Variants in LAMB4 observed in about 807,000 individuals in gnomAD.
LAMB4 encodes laminin subunit beta 4.
Under a neutral mutation model 199.2 loss-of-function variants are expected in LAMB4, and 196 were observed. That is an observed-to-expected ratio of 0.98 (90% CI 0.88 to 1.11). The LOEUF (loss-of-function observed/expected upper bound fraction) is 1.11. Ranked by LOEUF, LAMB4 falls within the 50% of genes least tolerant of loss-of-function variation. The probability of loss-of-function intolerance (pLI) is 0.00; values close to 1 mark genes in which losing one functional copy is unlikely to be tolerated. For missense variants in LAMB4, 2,080 were observed against 2,171.2 expected (o/e 0.96, Z 0.83); for synonymous variants, 744 against 770.6 (o/e 0.97, Z 0.57).
At chr7:108,096,517 G>A (rs989723266) in intron 11 of LAMB4, among the ~76,000 whole-genome samples, 7 of 152,172 alleles carry the variant, frequency 4.6e-5, no homozygotes, top group African/African-American at 1.7e-4. Context: ...ATATGCAGAA[G>A]AGGGGTTTCT....
At position 108,041,251 on chromosome 7, in the gene LAMB4, T is replaced by G. The variant is rs936649266; in HGVS notation, c.4471+2501A>C. Among the ~76,000 whole-genome samples, 3 of 152,216 alleles carry G rather than the reference T, an allele frequency of 2.0e-5. No individual in the cohort carries two copies. The East Asian group carries it at 5.8e-4, about 29-fold the overall frequency. ...TATTAAAAAGTCAAAAAATAACAGG[T>G]GCTGATGAGATTGCAGAGAGAAAGA... On this transcript the variant is annotated intron_variant, in intron 29 of 33. Transcript: ENST00000388781.
intron 1 of LAMB4, among the ~76,000 whole-genome samples, chr7:108,129,528 T>C (rs2038908254): frequency 6.6e-6 from 1 of 151,732 alleles, no homozygotes; most frequent in Non-Finnish European, 1.5e-5. Context: ...AATACAGAAC[T>C]ATAAAGTTTA....
chr7:108,037,352 G>C (rs2035265890), intron 30 of LAMB4, 36 bp downstream of exon 30: 2 of 1,510,044 alleles, frequency 1.3e-6, no homozygotes, highest in Non-Finnish European at 1.8e-6. Flanking sequence ...CAGATGGTCT[G>C]TTAGAGCAAG....
chr7:108,070,730 G>A (rs1403221949), intron 17 of LAMB4, among the ~76,000 whole-genome samples: 1 of 152,074 alleles, frequency 6.6e-6, no homozygotes, highest in Admixed American at 6.5e-5. Context: ...GTCAACAGTG[G>A]GTGATTAGTA....
chr7:108,113,197 T>G (rs1472428809), intron 3 of LAMB4, among the ~76,000 whole-genome samples: 2 of 152,194 alleles, frequency 1.3e-5, no homozygotes, highest in African/African-American at 4.8e-5. Flanking sequence ...CTGCTTTATA[T>G]ATTTCCTAAG....
At position 108,084,012 on chromosome 7, in the gene LAMB4, T is replaced by C. The variant is rs144836043; in HGVS notation, c.1702-4226A>G. On this transcript the variant is annotated intron_variant, in intron 14 of 33. Transcript: ENST00000388781. ...CTATATCATGGGGACACGAGGAATA[T>C]GTATGGCACTGAGGTGATCCACTGG... Among the ~76,000 whole-genome samples, 372 of 152,338 alleles carry C rather than the reference T, an allele frequency of 2.4e-3. 3 individuals are homozygous for C. Among genetic ancestry groups the C allele is most frequent in the African/African-American group, 8.6e-3 (357 of 41,576 alleles).
intron 28 of LAMB4, among the ~76,000 whole-genome samples, chr7:108,045,536 T>C (rs891213819): frequency 6.6e-6 from 1 of 152,260 alleles, no homozygotes; most frequent in African/African-American, 2.4e-5. Flanking sequence ...ATTTCAAGGA[T>C]AATTTTTTAA....
intron 22 of LAMB4, among the ~76,000 whole-genome samples, chr7:108,063,515 A>G (rs114867427): frequency 9.1e-4 from 139 of 152,326 alleles, no homozygotes; most frequent in African/African-American, 3.2e-3. Flanking sequence ...CAGGTATTTC[A>G]GGCAACAGAC....
At chr7:108,087,481 T>G (rs1407900249) in intron 14 of LAMB4, among the ~76,000 whole-genome samples, 1 of 152,230 alleles carries the variant, frequency 6.6e-6, no homozygotes, top group Non-Finnish European at 1.5e-5. Flanking sequence ...AGGAATGAAC[T>G]AACCTAAAAA....
At position 108,082,096 on chromosome 7, in the gene LAMB4, C is replaced by T. The variant is rs535946590; in HGVS notation, c.1702-2310G>A. On this transcript the variant is annotated intron_variant, in intron 14 of 33. Transcript: ENST00000388781. Reference sequence around the variant, plus strand: ...CTGTAATCCTAGCACTTTGGGAGGCCGAGGTGGGTGGATCACGAGGTCAGG... The same window carrying T: ...CTGTAATCCTAGCACTTTGGGAGGCTGAGGTGGGTGGATCACGAGGTCAGG... Among the ~76,000 whole-genome samples, 4 of 152,084 alleles carry T rather than the reference C, an allele frequency of 2.6e-5. No individual in the cohort carries two copies. The South Asian group carries it at 6.3e-4, about 24-fold the overall frequency.
chr7:108,056,546 T>G (rs2035992111), intron 24 of LAMB4, among the ~76,000 whole-genome samples: 1 of 152,240 alleles, frequency 6.6e-6, no homozygotes, highest in Admixed American at 6.5e-5. Context: ...CGGTACTTTC[T>G]TTGAGTAGGT....
chr7:108,092,470 A>C, intron 12 of LAMB4, 54 bp from the exon 13 acceptor site: 2 of 1,304,940 alleles, frequency 1.5e-6, no homozygotes, highest in Non-Finnish European at 2.2e-6. Flanking sequence ...TGTTGCTCTG[A>C]AGTGCAACAC....
At position 108,043,733 on chromosome 7, in the gene LAMB4, A is replaced by G. The variant is rs755077749; in HGVS notation, c.4471+19T>C. 1.2e-5 allele frequency: 18 copies of G among 1,490,174 alleles called. 1 individual carries two copies. The South Asian group carries it at 2.0e-4, about 17-fold the overall frequency. The allele number at this position is 1,490,174 out of a possible 1,614,324, so 92.3% of individuals were successfully genotyped here. A position where few individuals can be genotyped will look rare whatever the true frequency, so the allele number is the denominator to read the frequency against. On this transcript the variant is annotated intron_variant, in intron 29 of 33. Transcript: ENST00000388781. ...GGGAAAAAAACAAAAACTAGTCCTA[A>G]TATATATTTTTAAATTACCTAACAA...
rs111857053 is a variant in LAMB4, at chr7:108,055,466, C to A, written c.3755+166G>T. On this transcript the variant is annotated intron_variant, in intron 25 of 33. Transcript: ENST00000388781. Reference sequence around the variant, plus strand: ...CCTCCCAAAGTGCTGGGATTACAAGCGTGAGCTATGGCGCCCGGCCCAGCC... The same window carrying A: ...CCTCCCAAAGTGCTGGGATTACAAGAGTGAGCTATGGCGCCCGGCCCAGCC... Among the ~76,000 whole-genome samples the A allele has an allele frequency of 3.9e-5, 6 of 152,146 alleles. No homozygotes were observed. In the East Asian group the frequency reaches 1.2e-3, roughly 29 times the overall value.
Position 108,043,785 on chromosome 7 carries a change from G to T in LAMB4, c.4438C>A (p.Leu1480Ile). ...QSDSEEENIN[L>I]FIKKVKNFLL... Reference sequence around the variant, plus strand: ...AAGTTTTTCACTTTTTTGATGAAAAGATTGATGTTTTCTTCTTCAGAGTCA... The same window carrying T: ...AAGTTTTTCACTTTTTTGATGAAAATATTGATGTTTTCTTCTTCAGAGTCA... The change falls in exon 29 of 34, where the codon CTT becomes ATT. Residue 1480 changes from leucine to isoleucine, a missense_variant. Coordinates refer to ENST00000388781, the MANE Select transcript of LAMB4 (RefSeq NM_007356.3). 6.3e-7 allele frequency: 1 copy of T among 1,594,228 alleles called. No individual in the cohort carries two copies. The highest frequency in any genetic ancestry group is 8.6e-7 in the Non-Finnish European group (1 of 1,166,706).
chr7:108,124,159 G>T (rs1484210025), intron 1 of LAMB4, among the ~76,000 whole-genome samples: 4 of 152,240 alleles, frequency 2.6e-5, no homozygotes, highest in South Asian at 2.1e-4. Flanking sequence ...GAGACTATAG[G>T]CATGTGCCAG....
At chr7:108,074,997 T>C (rs2036650448) in intron 17 of LAMB4, among the ~76,000 whole-genome samples, 1 of 152,222 alleles carries the variant, frequency 6.6e-6, no homozygotes. Context: ...CTGATTATTA[T>C]AGTAACAGTA....
chr7:108,068,252 T>A, intron 18 of LAMB4, 93 bp from the exon 19 acceptor site: 1 of 1,274,738 alleles, frequency 7.8e-7, no homozygotes, highest in Non-Finnish European at 1.1e-6. Context: ...CTCTCTCATT[T>A]AAGACCTCTT....
intron 30 of LAMB4, 102 bp downstream of exon 30, chr7:108,037,286 A>G: frequency 2.3e-6 from 2 of 882,028 alleles, no homozygotes; most frequent in Admixed American, 2.2e-5. Flanking sequence ...ATCAGAAGGT[A>G]ATTTCATTTG....
Sources: allele counts gnomAD v4.1 joint callset (sites outside exome capture counted in the v4.1 genomes callset), GRCh38; gene constraint gnomAD v4.1.1; transcripts MANE v1.5; gene names NCBI Gene and HGNC (gene_info 2026-07-23, HGNC 2026-07-21).